Variants in SNX29 observed in about 807,000 individuals in gnomAD.
SNX29 encodes the protein sorting nexin-29.
SNX29 carries 78 observed loss-of-function variants against 102.1 expected under a neutral mutation model. The observed-to-expected ratio is 0.76, with a 90% CI of 0.64 to 0.92. The LOEUF (loss-of-function observed/expected upper bound fraction) is 0.92, where lower values mean the gene tolerates loss of function less well. SNX29 is among the 40% of genes least tolerant of loss of function. The probability of loss-of-function intolerance (pLI) is 0.00; values close to 1 mark genes in which losing one functional copy is unlikely to be tolerated. For missense variants in SNX29, 1,280 were observed against 1,061.7 expected (o/e 1.21, Z -2.86); for synonymous variants, 580 against 414.5 (o/e 1.40, Z -4.85).
intron 15 of SNX29, among the ~76,000 whole-genome samples, chr16:12,328,111 TC>T (rs1442625762): frequency 6.6e-6 from 1 of 152,112 alleles, no homozygotes; most frequent in African/African-American, 2.4e-5. Flanking sequence ...TGCACATACC[TC>T]TCCCTTGTAG....
chr16:12,380,692 C>CCATT (rs2083067190), intron 16 of SNX29, among the ~76,000 whole-genome samples: 1 of 61,868 alleles, frequency 1.6e-5, no homozygotes, highest in Non-Finnish European at 4.2e-5. Flanking sequence ...CACCATCCAC[C>CCATT]CATCCACCCA....
rs1373794473 is a variant in SNX29 at position 12,120,644 on chromosome 16, G to T, written c.1403-5989G>T. ...AGGCCGTAATCATTTGTGTGAATGG[G>T]CCTGTGCGTCATCTGGCTGTGTGTC... On this transcript the variant is annotated intron_variant, in intron 11 of 20. Transcript: ENST00000566228. 2.0e-5 allele frequency among the ~76,000 whole-genome samples: 3 copies of T among 152,300 alleles called. No homozygotes were observed. The South Asian group carries it at 6.2e-4, about 32-fold the overall frequency.
chr16:12,310,044 A>ATG (rs68176719), intron 15 of SNX29, among the ~76,000 whole-genome samples: 1 of 15,228 alleles, frequency 6.6e-5, no homozygotes, highest in Non-Finnish European at 1.2e-4. Flanking sequence ...GTGTGCACAC[A>ATG]TATGTACACA....
intron 2 of SNX29, 67 bp from the exon 3 acceptor site, chr16:12,002,924 G>C (rs1400828555): frequency 3.1e-6 from 5 of 1,591,408 alleles, no homozygotes; most frequent in Non-Finnish European, 4.3e-6. Context: ...CCCTGTGTAG[G>C]CTGTTTTATG....
intron 20 of SNX29, among the ~76,000 whole-genome samples, chr16:12,529,493 C>T (rs1023489560): frequency 6.6e-6 from 1 of 152,128 alleles, no homozygotes; most frequent in Admixed American, 6.5e-5. Context: ...GCCGTGCTGT[C>T]ATTTAGCGCA....
intron 20 of SNX29, among the ~76,000 whole-genome samples, chr16:12,533,623 C>T (rs6498318): frequency 0.32 from 49,244 of 151,976 alleles, 8,460 homozygotes; most frequent in East Asian, 0.59. Context: ...CCTGGACTGA[C>T]ACCCCAAATT....
chr16:12,114,190 T>G (rs1462214973), intron 11 of SNX29, among the ~76,000 whole-genome samples: 1 of 152,190 alleles, frequency 6.6e-6, no homozygotes, highest in African/African-American at 2.4e-5. Flanking sequence ...AGAAACCAGC[T>G]CAAGCCAGCT....
At chr16:12,519,935 G>A (rs919078253) in intron 19 of SNX29, among the ~76,000 whole-genome samples, 2 of 151,986 alleles carry the variant, frequency 1.3e-5, no homozygotes, top group Non-Finnish European at 1.5e-5. Context: ...TTGAACCAGG[G>A]ATTGCACCAC....
In SNX29 at chr16:12,572,296, G is replaced by T. The variant is rs753830352; in HGVS notation, c.*3667G>T. ...GCAACTAACAAGTACTGGGGCCAGT[G>T]ATCACAATCCAGGTTGGAAACAGGA... On this transcript the variant is annotated 3_prime_UTR_variant, in exon 21 of 21. Transcript: ENST00000566228. The T allele has an allele frequency of 3.2e-6, 3 of 950,176 alleles. No individual in the cohort carries two copies. The highest frequency in any genetic ancestry group is 3.5e-5 in the African/African-American group (1 of 28,488). 58.9% of individuals were successfully genotyped at this position (950,176 alleles called of 1,614,324 possible).
At chr16:12,556,200 G>A (rs115538521) in intron 20 of SNX29, among the ~76,000 whole-genome samples, 11 of 152,240 alleles carry the variant, frequency 7.2e-5, no homozygotes, top group Non-Finnish European at 4.4e-5. Context: ...AGTCTGAAAT[G>A]CAACCTAGGG....
At chr16:12,361,674 T>G (rs2082302993) in intron 16 of SNX29, among the ~76,000 whole-genome samples, 1 of 152,222 alleles carries the variant, frequency 6.6e-6, no homozygotes, top group South Asian at 2.1e-4. Context: ...ATTTTTGGTT[T>G]TTTAAATTTA....
chr16:12,101,427 A>G (rs1337823799), intron 11 of SNX29, among the ~76,000 whole-genome samples: 5 of 148,512 alleles, frequency 3.4e-5, no homozygotes, highest in African/African-American at 1.0e-4. Context: ...TCTGTTGCCC[A>G]GGCTGGAGTA....
chr16:12,160,004 A>T (rs943956736), intron 13 of SNX29, among the ~76,000 whole-genome samples: 13 of 152,178 alleles, frequency 8.5e-5, no homozygotes, highest in East Asian at 3.8e-4. Context: ...GTCTCTGGGA[A>T]CTCTAAGTAA....
Position 12,569,940 on chromosome 16 carries a change from G to A in SNX29, c.*1311G>A, listed in dbSNP as rs1047095193. 2 of 233,080 alleles carry A rather than the reference G, an allele frequency of 8.6e-6. No individual in the cohort carries two copies. Among genetic ancestry groups the A allele is most frequent in the Admixed American group, 5.6e-5 (1 of 17,734 alleles). 14.4% of individuals were successfully genotyped at this position (233,080 alleles called of 1,614,324 possible). On this transcript the variant is annotated 3_prime_UTR_variant, in exon 21 of 21. Transcript: ENST00000566228. ...GCAGAACCTGAGGAGAAAAGCAGGT[G>A]GAAGGTGACGGTTAGATGGTAAGCC...
intron 1 of SNX29, among the ~76,000 whole-genome samples, chr16:11,987,465 G>A (rs1377787826): frequency 6.8e-6 from 1 of 147,886 alleles, no homozygotes; most frequent in African/African-American, 2.5e-5. Flanking sequence ...GTGCAGCGGT[G>A]TGATCACTGC....
At chr16:12,425,527 G>GT (rs1334267591) in intron 18 of SNX29, among the ~76,000 whole-genome samples, 3 of 78,960 alleles carry the variant, frequency 3.8e-5, no homozygotes, top group African/African-American at 5.5e-5. Context: ...AATGACCAGA[G>GT]TTAAAAAAAA....
Position 12,573,196 on chromosome 16 carries a change from G to C in SNX29, c.*4567G>C, listed in dbSNP as rs1459333353. ...GGGTGTAGCCATCCAGGGTCTCCCG[G>C]CTCTAGGCAGACCGGATCCCGCAGT... On this transcript the variant is annotated 3_prime_UTR_variant, in exon 21 of 21. Coordinates refer to ENST00000566228, the MANE Select transcript of SNX29 (RefSeq NM_032167.5). 3 of 226,202 alleles carry C rather than the reference G, an allele frequency of 1.3e-5. No individual in the cohort carries two copies. Among genetic ancestry groups the C allele is most frequent in the African/African-American group, 6.7e-5 (3 of 44,956 alleles). The allele number at this position is 226,202 out of a possible 1,614,324, so 14.0% of individuals were successfully genotyped here. A position where few individuals can be genotyped will look rare whatever the true frequency, so the allele number is the denominator to read the frequency against.
chr16:12,214,764 A>G (rs996566020), intron 14 of SNX29, among the ~76,000 whole-genome samples: 2 of 152,122 alleles, frequency 1.3e-5, no homozygotes, highest in African/African-American at 4.8e-5. Flanking sequence ...GATGCCTGGC[A>G]CACCACACTG....
chr16:12,217,793 G>C (rs2077364805), intron 14 of SNX29, among the ~76,000 whole-genome samples: 1 of 152,146 alleles, frequency 6.6e-6, no homozygotes, highest in African/African-American at 2.4e-5. Flanking sequence ...TCTAAATCTT[G>C]GCTTCATGCT....
Sources: gnomAD v4.1 joint callset for allele counts (sites outside exome capture counted in the v4.1 genomes callset) on GRCh38, gnomAD v4.1.1 for gene constraint, MANE v1.5 for transcripts, NCBI Gene and HGNC (gene_info 2026-07-23, HGNC 2026-07-21) for gene names.